The following SLC17A1 variants were observed in gnomAD, a reference collection of about 807,000 sequenced individuals.
The protein encoded by SLC17A1 is sodium-dependent phosphate transport protein 1.
In SLC17A1, 51 loss-of-function variants were observed where a neutral mutation model predicts 53.5. The observed-to-expected ratio is 0.95, with a 90% confidence interval of 0.76 to 1.20. The LOEUF is 1.20. Ranked by LOEUF, SLC17A1 falls within the 50% of genes most tolerant of loss-of-function variation. SLC17A1 has a pLI of 0.00. For synonymous variants in SLC17A1, 179 were observed against 198.8 expected, an observed-to-expected ratio of 0.90 and a Z score of 0.84; for missense variants, 538 against 568.2, an observed-to-expected ratio of 0.95 and a Z score of 0.54.
the SLC17A1 span, among the ~76,000 whole-genome samples, chr6:25,770,761 A>T: frequency 4.6e-5 from 7 of 152,320 alleles, no homozygotes; most frequent in East Asian, 7.7e-4. Flanking sequence ...AGACACAAAC[A>T]GACTAATAAC....
At chr6:25,801,629 C>T (rs1763763902) in intron 10 of SLC17A1, among the ~76,000 whole-genome samples, 1 of 152,192 alleles carries the variant, frequency 6.6e-6, no homozygotes, top group Non-Finnish European at 1.5e-5. Flanking sequence ...GTTTTTCCTG[C>T]CCTGTAGATT....
At chr6:25,773,146 C>A in the SLC17A1 span, 2 of 759,590 alleles carry the variant, frequency 2.6e-6, no homozygotes, top group South Asian at 1.6e-5. Flanking sequence ...TAGGGCCATG[C>A]AAGGGATAGA....
chr6:25,805,742 C>G (rs1763930331), intron 10 of SLC17A1, among the ~76,000 whole-genome samples: 1 of 152,010 alleles, frequency 6.6e-6, no homozygotes, highest in African/African-American at 2.4e-5. Context: ...ATGAACACCT[C>G]TATGCACATA....
At chr6:25,726,547 G>C in the SLC17A1 span, 1 of 1,593,390 alleles carries the variant, frequency 6.3e-7, no homozygotes, top group Non-Finnish European at 8.6e-7. Flanking sequence ...TCAAATTGCA[G>C]CAACACGAGA....
chr6:25,727,232 G>C, the SLC17A1 span: 1 of 1,613,728 alleles, frequency 6.2e-7, no homozygotes, highest in Non-Finnish European at 8.5e-7. Flanking sequence ...CGGGAGAGCT[G>C]GCTAAACATG....
At chr6:25,757,334 C>T in the SLC17A1 span, among the ~76,000 whole-genome samples, 12 of 152,210 alleles carry the variant, frequency 7.9e-5, no homozygotes, top group Admixed American at 3.3e-4. Flanking sequence ...TTCACCAGCA[C>T]CTACTGCTTA....
chr6:25,726,056 G>A, the SLC17A1 span: 37 of 1,345,076 alleles, frequency 2.8e-5, no homozygotes, highest in Admixed American at 4.6e-5. Context: ...GCCTTTTTCT[G>A]AGACGGTAGG....
At chr6:25,760,109 T>A in the SLC17A1 span, among the ~76,000 whole-genome samples, 1 of 152,206 alleles carries the variant, frequency 6.6e-6, no homozygotes, top group Admixed American at 6.5e-5. Context: ...AGCTTGGTGA[T>A]CATAGTTTTT....
chr6:25,830,110 C>G (rs577007245), intron 2 of SLC17A1, among the ~76,000 whole-genome samples: 1 of 152,254 alleles, frequency 6.6e-6, no homozygotes, highest in East Asian at 1.9e-4. Flanking sequence ...CACTACCCTG[C>G]CTAAAATAAA....
the SLC17A1 span, chr6:25,770,168 A>T: frequency 6.2e-7 from 1 of 1,613,996 alleles, no homozygotes; most frequent in Non-Finnish European, 8.5e-7. Flanking sequence ...ATGTGGCTGG[A>T]ATATTTGGAG....
At chr6:25,777,059 G>T in the SLC17A1 span, 5 of 1,338,154 alleles carry the variant, frequency 3.7e-6, no homozygotes, top group Non-Finnish European at 5.1e-6. Context: ...GGTACAACAG[G>T]TTGCAGGAAA....
Position 25,811,708 on chromosome 6 carries a change from C to T in SLC17A1, c.960G>A (p.Gln320=), listed in dbSNP as rs769122773. ...FAWICGNLAG[Q]LSDFFLTRNI... The stretch of plus-strand genomic sequence containing the variant: ...TCCTGGTCAGGAAGAAGTCTGATAA[C>T]TGACCTGCTAGGTTACCACAGATCC... The change falls in exon 9 of 13, where the codon CAG becomes CAA. Residue 320 remains glutamine (Q), a synonymous_variant. Coordinates refer to ENST00000244527, the MANE Select transcript of SLC17A1 (RefSeq NM_005074.5). 6.2e-7 allele frequency: 1 copy of T among 1,613,800 alleles called. No individual in the cohort carries two copies. Among genetic ancestry groups the T allele is most frequent in the Non-Finnish European group, 8.5e-7 (1 of 1,179,786 alleles).
chr6:25,750,524 G>A, the SLC17A1 span, among the ~76,000 whole-genome samples: 1 of 152,100 alleles, frequency 6.6e-6, no homozygotes, highest in South Asian at 2.1e-4. Flanking sequence ...TCCTTTTAAA[G>A]CTTGGTCTTG....
intron 10 of SLC17A1, among the ~76,000 whole-genome samples, chr6:25,802,580 G>T (rs1324076643): frequency 6.6e-6 from 1 of 152,044 alleles, no homozygotes; most frequent in East Asian, 1.9e-4. Flanking sequence ...CTCTCAGTTT[G>T]CCTCGAAATG....
At chr6:25,803,819 C>T (rs1057458544) in intron 10 of SLC17A1, among the ~76,000 whole-genome samples, 2 of 151,994 alleles carry the variant, frequency 1.3e-5, no homozygotes, top group African/African-American at 4.8e-5. Context: ...ATGCCAGGTA[C>T]TATTCTATAT....
the SLC17A1 span, among the ~76,000 whole-genome samples, chr6:25,730,895 G>A: frequency 6.6e-6 from 1 of 152,182 alleles, no homozygotes; most frequent in Admixed American, 6.5e-5. Context: ...TGTATAATCA[G>A]ACAACAGAAA....
the SLC17A1 span, chr6:25,777,687 C>A: frequency 2.5e-6 from 1 of 407,484 alleles, no homozygotes; most frequent in Admixed American, 4.0e-5. Flanking sequence ...GAGGTTACCC[C>A]CTTGGGAGTA....
At chr6:25,762,786 A>G in the SLC17A1 span, among the ~76,000 whole-genome samples, 5 of 152,184 alleles carry the variant, frequency 3.3e-5, no homozygotes, top group East Asian at 1.9e-4. Flanking sequence ...TACTCAACCT[A>G]CAACTAGTCA....
chr6:25,798,356 G>T (rs192218399), intron 12 of SLC17A1, among the ~76,000 whole-genome samples: 1 of 152,174 alleles, frequency 6.6e-6, no homozygotes, highest in East Asian at 1.9e-4. Flanking sequence ...TTTAGTCAGG[G>T]TTACCTTTAA....
Sources: gnomAD v4.1 joint callset for allele counts (sites outside exome capture counted in the v4.1 genomes callset) on GRCh38, gnomAD v4.1.1 for gene constraint, MANE v1.5 for transcripts, NCBI Gene and HGNC (gene_info 2026-07-23, HGNC 2026-07-21) for gene names.